The following COL25A1 variants were observed in gnomAD, a reference collection of about 807,000 sequenced individuals.
The protein encoded by COL25A1 is collagen alpha-1(XXV) chain.
A neutral mutation model predicts 128.4 loss-of-function variants in COL25A1; 103 were observed. The observed-to-expected ratio is 0.80, with a 90% CI of 0.68 to 0.94. COL25A1 has a LOEUF of 0.94. Ranked by LOEUF, COL25A1 falls within the 40% of genes least tolerant of loss-of-function variation. COL25A1 has a pLI of 0.00. For synonymous variants in COL25A1, 279 were observed against 277.2 expected, an observed-to-expected ratio of 1.01 and a Z score of -0.06; for missense variants, 745 against 840.0, an observed-to-expected ratio of 0.89 and a Z score of 1.40.
rs371821135 is a variant in COL25A1 at position 108,827,118 on chromosome 4, T to C, written c.1764+17A>G. 6 of 1,612,280 alleles carry C rather than the reference T, an allele frequency of 3.7e-6. No homozygotes were observed. In the African/African-American group the frequency reaches 6.7e-5, roughly 18 times the overall value. ...TGCATGCGGAAGGTGGGGAGGTGCA[T>C]GTGACCAGGAACTCACAGGCAGCCC... On this transcript the variant is annotated intron_variant, in intron 33 of 37. Transcript: ENST00000399132.
intron 8 of COL25A1, among the ~76,000 whole-genome samples, chr4:108,967,433 T>C (rs1042268620): frequency 1.3e-5 from 2 of 152,234 alleles, no homozygotes; most frequent in Non-Finnish European, 2.9e-5. Context: ...ACAATTTATG[T>C]CAACTTGGGC....
intron 11 of COL25A1, among the ~76,000 whole-genome samples, chr4:108,928,795 C>A (rs1421715175): frequency 6.6e-6 from 1 of 152,080 alleles, no homozygotes; most frequent in South Asian, 2.1e-4. Context: ...GTGATCCACC[C>A]ACTTCGGCCT....
At chr4:108,856,911 T>C (rs1055315548) in intron 24 of COL25A1, among the ~76,000 whole-genome samples, 2 of 152,122 alleles carry the variant, frequency 1.3e-5, no homozygotes, top group Middle Eastern at 3.4e-3. Context: ...TAGAAAAAAA[T>C]TTATTCCAAT....
intron 8 of COL25A1, among the ~76,000 whole-genome samples, chr4:108,961,612 T>TTCTGTTCTGTTCTGC (rs1356850194): frequency 6.6e-4 from 100 of 152,196 alleles, no homozygotes; most frequent in Non-Finnish European, 9.7e-4. Context: ...TTCTGTTCTG[T>TTCTGTTCTGTTCTGC]TCTGTTCTGT....
chr4:109,254,505 A>ATATATATATATATATATATATATG lies in COL25A1; in HGVS notation c.367+46077_367+46078insCATATATATATATATATATATATA, dbSNP rs1383703429. Among the ~76,000 whole-genome samples the ATATATATATATATATATATATATG allele has an allele frequency of 1.3e-3, 138 of 104,940 alleles. 10 individuals carry two copies. The highest frequency in any genetic ancestry group is 6.3e-3 in the Middle Eastern group (1 of 160). The allele number at this position is 104,940 out of a possible 152,430, so 68.8% of individuals were successfully genotyped here. A position where few individuals can be genotyped will look rare whatever the true frequency, so the allele number is the denominator to read the frequency against. On this transcript the variant is annotated intron_variant, in intron 3 of 37. Coordinates refer to ENST00000399132, the MANE Select transcript of COL25A1 (RefSeq NM_198721.4). ...TATATATATATATATATATATATAT[A>ATATATATATATATATATATATATG]TGTATGTGTGTATATACATATACAT...
intron 3 of COL25A1, among the ~76,000 whole-genome samples, chr4:109,064,013 G>A (rs1232367536): frequency 1.3e-5 from 2 of 152,192 alleles, no homozygotes; most frequent in Non-Finnish European, 2.9e-5. Flanking sequence ...GATACCGAAA[G>A]TAATACTTGA....
At chr4:108,841,241 CCAA>C (rs1391834609) in intron 31 of COL25A1, among the ~76,000 whole-genome samples, 23 of 152,256 alleles carry the variant, frequency 1.5e-4, no homozygotes, top group Admixed American at 9.8e-4. Flanking sequence ...CACTTCTAGA[CCAA>C]TGACCTCTGG....
chr4:108,998,857 A>G (rs1182498583), intron 6 of COL25A1, among the ~76,000 whole-genome samples: 2 of 152,226 alleles, frequency 1.3e-5, no homozygotes, highest in East Asian at 3.8e-4. Context: ...AAAAACAAGC[A>G]ATGGGGAAAG....
At chr4:109,087,318 A>G (rs1764492168) in intron 3 of COL25A1, among the ~76,000 whole-genome samples, 1 of 152,126 alleles carries the variant, frequency 6.6e-6, no homozygotes, top group Non-Finnish European at 1.5e-5. Context: ...ATTGCATGAA[A>G]CTTTTTGACT....
At position 108,869,083 on chromosome 4, in the gene COL25A1, C is replaced by T. The variant is rs761457318; in HGVS notation, c.1083+5G>A. On this transcript the variant is annotated splice_donor_5th_base_variant and intron_variant, in intron 20 of 37. Transcript: ENST00000399132. ...AGAAAGAAGGAAAGAAAGAGGCCCA[C>T]TTACTTTTGTTCCTGGTAAACCTGG... 5 of 1,562,672 alleles carry T rather than the reference C, an allele frequency of 3.2e-6. No homozygotes were observed. The highest frequency in any genetic ancestry group is 4.3e-6 in the Non-Finnish European group (5 of 1,152,652).
At chr4:109,114,692 C>A (rs1767358078) in intron 3 of COL25A1, among the ~76,000 whole-genome samples, 1 of 152,060 alleles carries the variant, frequency 6.6e-6, no homozygotes, top group South Asian at 2.1e-4. Flanking sequence ...TCATTTTTGG[C>A]AGGTACTAGA....
intron 3 of COL25A1, among the ~76,000 whole-genome samples, chr4:109,086,005 G>A (rs1294677486): frequency 6.6e-6 from 1 of 152,170 alleles, no homozygotes; most frequent in Non-Finnish European, 1.5e-5. Context: ...AGCCCCAGGA[G>A]GACACTTCCC....
chr4:108,927,256 C>CT (rs1454461044), intron 11 of COL25A1, among the ~76,000 whole-genome samples: 1 of 152,114 alleles, frequency 6.6e-6, no homozygotes, highest in Non-Finnish European at 1.5e-5. Context: ...CACATTTCAA[C>CT]TGGCTATATT....
At chr4:109,187,013 TA>T (rs1325944483) in intron 3 of COL25A1, among the ~76,000 whole-genome samples, 1 of 152,188 alleles carries the variant, frequency 6.6e-6, no homozygotes, top group African/African-American at 2.4e-5. Flanking sequence ...GAACAACCCT[TA>T]GGGGTATGAT....
chr4:109,287,907 A>G (rs1724041892), intron 3 of COL25A1, among the ~76,000 whole-genome samples: 1 of 152,228 alleles, frequency 6.6e-6, no homozygotes, highest in Non-Finnish European at 1.5e-5. Flanking sequence ...TGGGAGACAT[A>G]TGGGCCAAGA....
chr4:109,202,901 C>T (rs984196575), intron 3 of COL25A1, among the ~76,000 whole-genome samples: 1 of 151,750 alleles, frequency 6.6e-6, no homozygotes, highest in Non-Finnish European at 1.5e-5. Context: ...TACATCTGTA[C>T]AGATATATGG....
At chr4:109,162,562 T>C (rs1299170578) in intron 3 of COL25A1, among the ~76,000 whole-genome samples, 3 of 152,218 alleles carry the variant, frequency 2.0e-5, no homozygotes, top group Non-Finnish European at 4.4e-5. Context: ...CTAACTACAA[T>C]GCAAGTTCCA....
intron 3 of COL25A1, among the ~76,000 whole-genome samples, chr4:109,210,498 G>A (rs544010938): frequency 6.6e-6 from 1 of 152,284 alleles, no homozygotes; most frequent in South Asian, 2.1e-4. Context: ...CAGGCAAGAT[G>A]AGCCAGCATA....
intron 20 of COL25A1, among the ~76,000 whole-genome samples, chr4:108,864,709 C>T (rs1040232546): frequency 2.0e-5 from 3 of 152,098 alleles, no homozygotes; most frequent in African/African-American, 7.2e-5. Context: ...AGACTTGAGT[C>T]GTGTCCTGAA....
Sources: allele counts gnomAD v4.1 joint callset (sites outside exome capture counted in the v4.1 genomes callset), GRCh38; gene constraint gnomAD v4.1.1; transcripts MANE v1.5; gene names NCBI Gene and HGNC (gene_info 2026-07-23, HGNC 2026-07-21).